TAFA1: variants seen among roughly 807,000 people sequenced by gnomAD.
TAFA1 encodes the protein TAFA chemokine like family member 1.
Under a neutral mutation model 18.5 loss-of-function variants are expected in TAFA1, and 4 were observed. The ratio of observed to expected loss-of-function variants is 0.22; its 90% CI spans 0.11 to 0.49. The LOEUF is 0.49. Among genes scored for constraint, TAFA1 ranks in the 20% least tolerant of loss-of-function variants. The pLI is 0.98. For missense variants in TAFA1, 147 were observed against 169.0 expected (o/e 0.87, Z 0.72); for synonymous variants, 56 against 55.2 (o/e 1.01, Z -0.06).
At position 68,428,688 on chromosome 3, in the gene TAFA1, T is replaced by C. The variant is rs1419167035; in HGVS notation, c.259+11268T>C. Among the ~76,000 whole-genome samples, 3 of 151,960 alleles carry C rather than the reference T, an allele frequency of 2.0e-5. No homozygotes were observed. The South Asian group carries it at 6.2e-4, about 31-fold the overall frequency. The stretch of plus-strand genomic sequence containing the variant: ...TAATATCTGATATTACTTGGTATTT[T>C]CATTATTGCATCATTTTAATAATTG... On this transcript the variant is annotated intron_variant, in intron 3 of 4. Coordinates refer to ENST00000478136, the MANE Select transcript of TAFA1 (RefSeq NM_213609.4).
chr3:68,541,531 G>A (rs184998797), intron 4 of TAFA1, among the ~76,000 whole-genome samples: 1 of 152,004 alleles, frequency 6.6e-6, no homozygotes, highest in African/African-American at 2.4e-5. Flanking sequence ...ATTCACAGAT[G>A]TACTTTAATT....
chr3:68,250,543 A>C (rs9829193), intron 2 of TAFA1, among the ~76,000 whole-genome samples: 5 of 151,962 alleles, frequency 3.3e-5, no homozygotes, highest in Admixed American at 2.6e-4. Context: ...CCTAGGAATA[A>C]CACACAATAC....
intron 3 of TAFA1, among the ~76,000 whole-genome samples, chr3:68,425,733 GCAGATGTTGTCATC>G (rs2071039830): frequency 1.3e-5 from 2 of 151,908 alleles, no homozygotes; most frequent in Non-Finnish European, 2.9e-5. Flanking sequence ...CTATCTAATA[GCAGATGTTGTCATC>G]TTTCTGTTTG....
chr3:68,520,042 A>G (rs891241358), intron 3 of TAFA1, among the ~76,000 whole-genome samples: 3 of 152,214 alleles, frequency 2.0e-5, no homozygotes. Context: ...ACAAAATCCT[A>G]AAACACAAAA....
intron 2 of TAFA1, among the ~76,000 whole-genome samples, chr3:68,254,699 G>T (rs78398752): frequency 0.018 from 2,790 of 152,118 alleles, 44 homozygotes; most frequent in Non-Finnish European, 0.03. Flanking sequence ...ATGATCCCAG[G>T]ATTTAACAGT....
rs773025236 is a variant in TAFA1 at position 68,305,409 on chromosome 3, C to CTATATATA, written c.119-111830_119-111823dup. On this transcript the variant is annotated intron_variant, in intron 2 of 4. Transcript: ENST00000478136. Reference sequence around the variant, plus strand: ...TATATGACTATATATGACTATATGACTATATATATATATATATATATATAT... The same window carrying CTATATATA: ...TATATGACTATATATGACTATATGACTATATATATATATATATATATATATATATATAT... 7.2e-3 allele frequency among the ~76,000 whole-genome samples: 273 copies of CTATATATA among 38,124 alleles called. 12 individuals are homozygous for CTATATATA. Among genetic ancestry groups the CTATATATA allele is most frequent in the South Asian group, 8.6e-3 (7 of 816 alleles). 25.0% of individuals were successfully genotyped at this position (38,124 alleles called of 152,430 possible). A position where few individuals can be genotyped will look rare whatever the true frequency, so the allele number is the denominator to read the frequency against.
At chr3:68,018,343 T>C (rs936523020) in intron 2 of TAFA1, among the ~76,000 whole-genome samples, 2 of 152,198 alleles carry the variant, frequency 1.3e-5, no homozygotes, top group Non-Finnish European at 2.9e-5. Flanking sequence ...ATTATTGTTA[T>C]CTTTGTGCAA....
intron 2 of TAFA1, among the ~76,000 whole-genome samples, chr3:68,086,835 T>A (rs1050517010): frequency 6.6e-6 from 1 of 152,214 alleles, no homozygotes; most frequent in Non-Finnish European, 1.5e-5. Flanking sequence ...CAAAAGACTT[T>A]AGGTAGTGTT....
rs367621088 is a variant in TAFA1, at chr3:68,076,757, G to T, written c.118+70013G>T. 1.1e-4 allele frequency among the ~76,000 whole-genome samples: 16 copies of T among 152,300 alleles called. No individual in the cohort carries two copies. The East Asian group carries it at 1.9e-3, about 18-fold the overall frequency. Reference sequence around the variant, plus strand: ...AGTCTTTGCTATTGTGAATAATGCCGCAATAAACATACATGTTCATGTGTC... The same window carrying T: ...AGTCTTTGCTATTGTGAATAATGCCTCAATAAACATACATGTTCATGTGTC... On this transcript the variant is annotated intron_variant, in intron 2 of 4. Transcript: ENST00000478136.
At chr3:68,246,483 G>C (rs950023170) in intron 2 of TAFA1, among the ~76,000 whole-genome samples, 18 of 150,582 alleles carry the variant, frequency 1.2e-4, no homozygotes, top group African/African-American at 4.4e-4. Context: ...CCAGCTACTC[G>C]GAAGGCTGAG....
At chr3:68,342,584 A>G (rs2069102903) in intron 2 of TAFA1, among the ~76,000 whole-genome samples, 1 of 152,160 alleles carries the variant, frequency 6.6e-6, no homozygotes, top group South Asian at 2.1e-4. Flanking sequence ...TAGCAAAGTA[A>G]TTTTCGAGCT....
intron 3 of TAFA1, 87 bp downstream of exon 3, chr3:68,417,507 G>T: frequency 7.8e-7 from 1 of 1,287,752 alleles, no homozygotes; most frequent in Non-Finnish European, 1.1e-6. Context: ...TATGGTTCCA[G>T]ATAATGAACA....
At chr3:68,487,609 G>A (rs2072368892) in intron 3 of TAFA1, among the ~76,000 whole-genome samples, 1 of 151,842 alleles carries the variant, frequency 6.6e-6, no homozygotes, top group South Asian at 2.1e-4. Flanking sequence ...AAAATTAGCT[G>A]GGCGTGGTGG....
Position 68,335,305 on chromosome 3 carries a change from T to C in TAFA1, c.119-81975T>C, listed in dbSNP as rs148936387. ...GCATAAAAAATGATAAGCACTTTGC[T>C]TTCCAGGGATGAGAATATCATGTCT... On this transcript the variant is annotated intron_variant, in intron 2 of 4. Coordinates refer to ENST00000478136, the MANE Select transcript of TAFA1 (RefSeq NM_213609.4). Among the ~76,000 whole-genome samples the C allele has an allele frequency of 3.8e-4, 58 of 152,312 alleles. No homozygotes were observed. The East Asian group carries it at 0.011, about 29-fold the overall frequency.
intron 3 of TAFA1, among the ~76,000 whole-genome samples, chr3:68,439,996 A>T (rs909022823): frequency 4.6e-5 from 7 of 152,254 alleles, no homozygotes; most frequent in Admixed American, 3.3e-4. Context: ...CATAAAGTTA[A>T]CAACACTTAA....
At chr3:68,279,300 T>C (rs1392809460) in intron 2 of TAFA1, among the ~76,000 whole-genome samples, 4 of 152,158 alleles carry the variant, frequency 2.6e-5, no homozygotes, top group African/African-American at 9.7e-5. Context: ...AATCTATTCT[T>C]TATACAGTTC....
intron 2 of TAFA1, among the ~76,000 whole-genome samples, chr3:68,329,019 T>G (rs977249177): frequency 3.3e-4 from 50 of 151,552 alleles, no homozygotes; most frequent in African/African-American, 1.2e-3. Context: ...GCACTGTGAT[T>G]CTATCTGTGC....
chr3:68,454,884 A>G, intron 3 of TAFA1, among the ~76,000 whole-genome samples: 1 of 152,194 alleles, frequency 6.6e-6, no homozygotes. Flanking sequence ...ATAAATGTAT[A>G]CAGTTGACTC....
chr3:68,438,879 T>C (rs1487649209), intron 3 of TAFA1, among the ~76,000 whole-genome samples: 2 of 152,082 alleles, frequency 1.3e-5, no homozygotes, highest in Non-Finnish European at 1.5e-5. Context: ...CACACATTGC[T>C]GTACCAGGGT....
Sources: gnomAD v4.1 joint callset for allele counts (sites outside exome capture counted in the v4.1 genomes callset) on GRCh38, gnomAD v4.1.1 for gene constraint, MANE v1.5 for transcripts, NCBI Gene and HGNC (gene_info 2026-07-23, HGNC 2026-07-21) for gene names.